Variants in SHANK2 observed in about 807,000 individuals in gnomAD.
The protein encoded by SHANK2 is SH3 and multiple ankyrin repeat domains 2.
SHANK2 carries 43 observed loss-of-function variants against 133.7 expected under a neutral mutation model. That is an observed-to-expected ratio of 0.32 (90% confidence interval 0.25 to 0.41). The LOEUF (loss-of-function observed/expected upper bound fraction) is 0.41. Ranked by LOEUF, SHANK2 falls within the 10% of genes least tolerant of loss-of-function variation. The probability of loss-of-function intolerance (pLI) is 1.00; values close to 1 mark genes in which losing one functional copy is unlikely to be tolerated. For synonymous variants in SHANK2, 1,017 were observed against 952.8 expected (o/e 1.07, Z -1.24); for missense variants, 1,994 against 2,235.8 (o/e 0.89, Z 2.18).
At chr11:71,089,774 G>A (rs1278632746) in intron 8 of SHANK2, among the ~76,000 whole-genome samples, 7 of 152,336 alleles carry the variant, frequency 4.6e-5, no homozygotes, top group East Asian at 1.9e-4. Flanking sequence ...GGGAATGAGC[G>A]TGGCCAGGGC....
intron 17 of SHANK2, among the ~76,000 whole-genome samples, chr11:70,620,701 A>T (rs1470210284): frequency 6.6e-6 from 1 of 152,202 alleles, no homozygotes; most frequent in Non-Finnish European, 1.5e-5. Context: ...CTCGGGTTAT[A>T]CGAGGTCATA....
chr11:71,064,348 C>T (rs1310669440), intron 9 of SHANK2, among the ~76,000 whole-genome samples: 1 of 152,112 alleles, frequency 6.6e-6, no homozygotes, highest in Non-Finnish European at 1.5e-5. Context: ...CTGGGGACAG[C>T]TGGGCGGAGG....
At chr11:71,066,129 A>G (rs1951056214) in intron 9 of SHANK2, among the ~76,000 whole-genome samples, 2 of 104,310 alleles carry the variant, frequency 1.9e-5, no homozygotes, top group East Asian at 3.4e-4. Flanking sequence ...GGAGATGAGC[A>G]GTGAGTGGGG....
intron 11 of SHANK2, among the ~76,000 whole-genome samples, chr11:70,845,212 A>AG (rs1948977732): frequency 7.0e-6 from 1 of 143,638 alleles, no homozygotes; most frequent in African/African-American, 2.9e-5. Flanking sequence ...AAAAAAAAAA[A>AG]AAAAAAAGAA....
intron 14 of SHANK2, among the ~76,000 whole-genome samples, chr11:70,773,053 C>T (rs562572941): frequency 2.6e-5 from 4 of 152,256 alleles, no homozygotes; most frequent in African/African-American, 7.2e-5. Context: ...CCCCAGTCTC[C>T]GCCCATCCCC....
chr11:71,147,649 C>T (rs1177588911), intron 2 of SHANK2, among the ~76,000 whole-genome samples: 4 of 152,138 alleles, frequency 2.6e-5, no homozygotes, highest in Non-Finnish European at 4.4e-5. Flanking sequence ...GAGCTAGCCA[C>T]GGGGATGACC....
At chr11:70,894,977 T>A (rs1216264592) in intron 11 of SHANK2, among the ~76,000 whole-genome samples, 4 of 152,196 alleles carry the variant, frequency 2.6e-5, no homozygotes, top group Non-Finnish European at 5.9e-5. Context: ...CTCAGTTCAT[T>A]TTCTAAATCA....
chr11:70,933,918 AAAAC>A lies in SHANK2; in HGVS notation c.1108-37355_1108-37352del, dbSNP rs537579644. Among the ~76,000 whole-genome samples, 869 of 151,446 alleles carry A rather than the reference AAAAC, an allele frequency of 5.7e-3. 6 individuals carry two copies. Among genetic ancestry groups the A allele is most frequent in the African/African-American group, 0.02 (804 of 41,086 alleles). On this transcript the variant is annotated intron_variant, in intron 10 of 25. Transcript: ENST00000601538. Reference sequence around the variant, plus strand: ...GTGTCTCAAAAAAAAAAAAAAACAAAAAACAAACAAACAAACAAACAAAACAACA... The same window carrying A: ...GTGTCTCAAAAAAAAAAAAAAACAAAAAACAAACAAACAAACAAAACAACA...
At chr11:70,522,543 G>A (rs986462569) in intron 17 of SHANK2, among the ~76,000 whole-genome samples, 12 of 152,156 alleles carry the variant, frequency 7.9e-5, no homozygotes, top group African/African-American at 2.9e-4. Flanking sequence ...CCTTTGACTA[G>A]AAAGCTCTCT....
chr11:70,746,149 AG>A (rs1198019088), intron 14 of SHANK2, among the ~76,000 whole-genome samples: 5 of 152,228 alleles, frequency 3.3e-5, no homozygotes, highest in African/African-American at 1.2e-4. Flanking sequence ...GACACGGTCC[AG>A]GAGGCTGTGA....
chr11:71,202,959 T>C (rs1291602945), intron 2 of SHANK2, among the ~76,000 whole-genome samples: 2 of 152,202 alleles, frequency 1.3e-5, no homozygotes, highest in African/African-American at 2.4e-5. Flanking sequence ...TTTGACCCTT[T>C]TTCTCTGTTT....
chr11:71,158,276 C>T (rs1370126059), intron 2 of SHANK2, among the ~76,000 whole-genome samples: 1 of 151,804 alleles, frequency 6.6e-6, no homozygotes, highest in African/African-American at 2.4e-5. Flanking sequence ...CAGCAAAATG[C>T]CAGATAAGAA....
At chr11:71,108,039 T>A (rs571027911) in intron 6 of SHANK2, among the ~76,000 whole-genome samples, 2 of 152,206 alleles carry the variant, frequency 1.3e-5, no homozygotes, top group East Asian at 3.9e-4. Context: ...TCTGCCAGGG[T>A]GGTGAGAGCC....
At chr11:70,752,705 CAA>C (rs530096112) in intron 14 of SHANK2, among the ~76,000 whole-genome samples, 2 of 103,862 alleles carry the variant, frequency 1.9e-5, no homozygotes. Context: ...GACTCCGTCT[CAA>C]AAAAAAAAAA....
intron 12 of SHANK2, among the ~76,000 whole-genome samples, chr11:70,811,994 T>C (rs1209011329): frequency 6.6e-6 from 1 of 152,214 alleles, no homozygotes; most frequent in African/African-American, 2.4e-5. Flanking sequence ...AACCTCCCCA[T>C]CAAAAAAGCG....
chr11:71,136,463 G>C (rs1200369467), intron 3 of SHANK2, among the ~76,000 whole-genome samples: 1 of 152,202 alleles, frequency 6.6e-6, no homozygotes, highest in Non-Finnish European at 1.5e-5. Flanking sequence ...GCAGAGCGTG[G>C]AATGATGGAC....
At chr11:71,238,068 A>T (rs1022422937) in intron 1 of SHANK2, among the ~76,000 whole-genome samples, 1 of 152,170 alleles carries the variant, frequency 6.6e-6, no homozygotes, top group Non-Finnish European at 1.5e-5. Flanking sequence ...GGGGCCCCCA[A>T]TGTTGCCGAT....
chr11:70,581,897 T>G (rs778297452), intron 17 of SHANK2, among the ~76,000 whole-genome samples: 1 of 152,220 alleles, frequency 6.6e-6, no homozygotes, highest in Non-Finnish European at 1.5e-5. Flanking sequence ...TATGATTTAA[T>G]GTCCTGTAGA....
chr11:70,829,648 C>T (rs1371183525), intron 11 of SHANK2, among the ~76,000 whole-genome samples: 6 of 152,094 alleles, frequency 3.9e-5, no homozygotes, highest in Non-Finnish European at 5.9e-5. Flanking sequence ...GGACACAAGA[C>T]GATTTGAGGA....
Sources: allele counts gnomAD v4.1 joint callset (sites outside exome capture counted in the v4.1 genomes callset), GRCh38; gene constraint gnomAD v4.1.1; transcripts MANE v1.5; gene names NCBI Gene and HGNC (gene_info 2026-07-23, HGNC 2026-07-21).